Variants in ZC2HC1B observed in about 807,000 individuals in gnomAD.
ZC2HC1B encodes zinc finger C2HC domain-containing protein 1B.
A neutral mutation model predicts 31.0 loss-of-function variants in ZC2HC1B; 36 were observed. The ratio of observed to expected loss-of-function variants is 1.16; its 90% CI spans 0.89 to 1.54. ZC2HC1B has a LOEUF of 1.54. Ranked by LOEUF, ZC2HC1B falls within the 40% of genes most tolerant of loss-of-function variation. The pLI is 0.00. For missense variants in ZC2HC1B, 260 were observed against 268.6 expected, an observed-to-expected ratio of 0.97 and a Z score of 0.22; for synonymous variants, 73 against 88.0, an observed-to-expected ratio of 0.83 and a Z score of 0.95.
rs1218345324 is a variant in ZC2HC1B at position 143,934,541 on chromosome 6, CA to C, written c.599-3106del. Among the ~76,000 whole-genome samples, 2 of 152,116 alleles carry C rather than the reference CA, an allele frequency of 1.3e-5. No homozygotes were observed. Among genetic ancestry groups the C allele is most frequent in the Non-Finnish European group, 2.9e-5 (2 of 68,040 alleles). On this transcript the variant is annotated intron_variant, in intron 6 of 7. Transcript: ENST00000237275. The surrounding 1 kb of genome is among the most constrained non-coding windows in gnomAD (Gnocchi z 4.6). ...TTTTATGTTTCTTGTGTTCCTATGC[CA>C]ATATCTCTGCATCTGGTGTAACAGT...
rs1262376794 is a variant in ZC2HC1B at position 143,898,570 on chromosome 6, A to G, written c.368A>G (p.Tyr123Cys). ...CATTCAGATTATATTCAACGTCCAT[A>G]TTGTATGAGAAGGTTTAATGAAAGC... ...SLNPDYIQRP[Y>C]CMRRFNESAA... Residue 123 changes from tyrosine to cysteine, a missense_variant, in exon 5 of 8, where the codon TAT (tyrosine) becomes TGT (cysteine). Coordinates refer to ENST00000237275, the MANE Select transcript of ZC2HC1B (RefSeq NM_001013623.3). 3.9e-6 allele frequency: 6 copies of G among 1,551,576 alleles called. No individual in the cohort carries two copies. The Admixed American group carries it at 5.9e-5, about 15-fold the overall frequency.
chr6:143,934,640 G>A lies in ZC2HC1B; in HGVS notation c.599-3009G>A, dbSNP rs1778156291. 6.6e-6 allele frequency among the ~76,000 whole-genome samples: 1 copy of A among 152,204 alleles called. No homozygotes were observed. Among genetic ancestry groups the A allele is most frequent in the Non-Finnish European group, 1.5e-5 (1 of 68,036 alleles). The stretch of plus-strand genomic sequence containing the variant: ...TACATATGTATCTATAGTGATAGTT[G>A]GGTAGGGCACTTTAGCTTTGATACT... On this transcript the variant is annotated intron_variant, in intron 6 of 7. Coordinates refer to ENST00000237275, the MANE Select transcript of ZC2HC1B (RefSeq NM_001013623.3). The surrounding 1 kb of genome is among the most constrained non-coding windows in gnomAD (Gnocchi z 4.6).
Position 143,895,275 on chromosome 6 carries a change from G to A in ZC2HC1B, c.350-3277G>A, listed in dbSNP as rs1777652185. On this transcript the variant is annotated intron_variant, in intron 4 of 7. Transcript: ENST00000237275. The surrounding 1 kb of genome is among the most constrained non-coding windows in gnomAD (Gnocchi z 4.8). ...CCTCCCAGGTTCAAGCAATTCTCCTGTTTCAGCCTCCTGAGTAGCTGGGAT... is the reference window on the plus strand; with the variant it reads ...CCTCCCAGGTTCAAGCAATTCTCCTATTTCAGCCTCCTGAGTAGCTGGGAT... Among the ~76,000 whole-genome samples the A allele has an allele frequency of 1.3e-5, 2 of 152,150 alleles. No individual in the cohort carries two copies. The highest frequency in any genetic ancestry group is 6.5e-5 in the Admixed American group (1 of 15,268).
intron 6 of ZC2HC1B, among the ~76,000 whole-genome samples, chr6:143,920,302 G>T (rs1582973430): frequency 6.6e-6 from 1 of 152,086 alleles, no homozygotes; most frequent in Non-Finnish European, 1.5e-5. Flanking sequence ...TAGTAAACTT[G>T]GAAAGAGATC....
chr6:143,882,332 TTTTATATATATATATA>T (rs1235617855), intron 1 of ZC2HC1B, among the ~76,000 whole-genome samples: 1 of 67,404 alleles, frequency 1.5e-5, no homozygotes, highest in South Asian at 5.7e-4. Context: ...ATTTTATATT[TTTTATATATATATATA>T]TATATATATA....
chr6:143,886,160 G>A lies in ZC2HC1B; in HGVS notation c.210+9G>A. The A allele has an allele frequency of 1.3e-6, 2 of 1,523,258 alleles. No individual in the cohort carries two copies. Among genetic ancestry groups the A allele is most frequent in the Non-Finnish European group, 8.8e-7 (1 of 1,138,330 alleles). 94.4% of individuals were successfully genotyped at this position (1,523,258 alleles called of 1,614,324 possible). ...AGACTCCACAATCCAAGGTACTCCT[G>A]ATATCTTCTTTAGTGTTTGTTATTA... On this transcript the variant is annotated intron_variant, in intron 3 of 7. Coordinates refer to ENST00000237275, the MANE Select transcript of ZC2HC1B (RefSeq NM_001013623.3). This position sits in a 1 kb window ranked among gnomAD's most constrained non-coding sequence, Gnocchi z 4.2.
chr6:143,892,540 C>T (rs774441809), intron 4 of ZC2HC1B, among the ~76,000 whole-genome samples: 7 of 152,090 alleles, frequency 4.6e-5, no homozygotes, highest in Non-Finnish European at 7.4e-5. Flanking sequence ...TCAAGCAATC[C>T]GCCTGCCTCG....
rs1199571193 is a variant in ZC2HC1B at position 143,903,003 on chromosome 6, C to G, written c.490-41C>G. 2.6e-6 allele frequency: 4 copies of G among 1,536,950 alleles called. No individual in the cohort carries two copies. In the African/African-American group the frequency reaches 5.5e-5, roughly 21 times the overall value. On this transcript the variant is annotated intron_variant, in intron 5 of 7. Transcript: ENST00000237275. This position sits in a 1 kb window ranked among gnomAD's most constrained non-coding sequence, Gnocchi z 4.3. ...CCTATGTGGCACCTGAGGTTACATA[C>G]AGAAGGTGTTCTCTTTGTCTCTTTC...
intron 6 of ZC2HC1B, among the ~76,000 whole-genome samples, chr6:143,910,482 C>G (rs1246988518): frequency 6.6e-6 from 1 of 152,176 alleles, no homozygotes; most frequent in African/African-American, 2.4e-5. Flanking sequence ...CTATCAGGCC[C>G]ACTTGATCCA....
Position 143,922,382 on chromosome 6 carries a change from G to GC in ZC2HC1B, c.599-15266dup. Among the ~76,000 whole-genome samples the GC allele has an allele frequency of 6.6e-6, 1 of 152,202 alleles. No individual in the cohort carries two copies. The highest frequency in any genetic ancestry group is 1.9e-4 in the East Asian group (1 of 5,184). On this transcript the variant is annotated intron_variant, in intron 6 of 7. Coordinates refer to ENST00000237275, the MANE Select transcript of ZC2HC1B (RefSeq NM_001013623.3). The surrounding 1 kb of genome is among the most constrained non-coding windows in gnomAD (Gnocchi z 5.0). ...AATATGGAATATATTGTTGTTAACT[G>GC]CAGTCACCCTACTGTGCTATCAAAC...
At chr6:143,929,954 G>C (rs911586427) in intron 6 of ZC2HC1B, among the ~76,000 whole-genome samples, 2 of 151,928 alleles carry the variant, frequency 1.3e-5, no homozygotes, top group Admixed American at 1.3e-4. Context: ...TTTCTTTTCT[G>C]ATTGTGCTTA....
intron 1 of ZC2HC1B, among the ~76,000 whole-genome samples, chr6:143,875,513 G>A (rs1238044027): frequency 2.7e-5 from 4 of 150,680 alleles, no homozygotes; most frequent in African/African-American, 9.8e-5. Context: ...GTCTCTACTA[G>A]TGTCCCCAAA....
In ZC2HC1B at chr6:143,915,356, A is replaced by G. The variant is rs190826636; in HGVS notation, c.598+12204A>G. ...GCCATGTGGAACTGTAAGTCCAATA[A>G]ACTTCTTTCTTTTGTAAATTGCCCA... On this transcript the variant is annotated intron_variant, in intron 6 of 7. Transcript: ENST00000237275. The surrounding 1 kb of genome is among the most constrained non-coding windows in gnomAD (Gnocchi z 5.2). 6.6e-6 allele frequency among the ~76,000 whole-genome samples: 1 copy of G among 152,324 alleles called. No individual in the cohort carries two copies. Among genetic ancestry groups the G allele is most frequent in the East Asian group, 1.9e-4 (1 of 5,186 alleles).
intron 1 of ZC2HC1B, among the ~76,000 whole-genome samples, chr6:143,867,179 G>A (rs995265518): frequency 6.6e-6 from 1 of 152,156 alleles, no homozygotes; most frequent in African/African-American, 2.4e-5. Flanking sequence ...AAAAAAATCT[G>A]AAACACTTCT....
intron 6 of ZC2HC1B, among the ~76,000 whole-genome samples, chr6:143,920,738 T>C (rs976101802): frequency 2.6e-5 from 4 of 151,852 alleles, no homozygotes; most frequent in African/African-American, 9.7e-5. Flanking sequence ...TGAAACCCCG[T>C]CTCTACTAAA....
In ZC2HC1B at chr6:143,935,086, G is replaced by A. The variant is rs189194976; in HGVS notation, c.599-2563G>A. On this transcript the variant is annotated intron_variant, in intron 6 of 7. Coordinates refer to ENST00000237275, the MANE Select transcript of ZC2HC1B (RefSeq NM_001013623.3). ...TAGTGGTGGCAGTAGTGAGCTGGGC[G>A]GCCCCATCCTTAGTCCCCTAGGAGG... 4.6e-5 allele frequency among the ~76,000 whole-genome samples: 7 copies of A among 151,836 alleles called. No individual in the cohort carries two copies. In the East Asian group the frequency reaches 9.7e-4, roughly 21 times the overall value.
chr6:143,902,987 C>T, intron 5 of ZC2HC1B, 57 bp from the exon 6 acceptor site: 1 of 1,486,342 alleles, frequency 6.7e-7, no homozygotes, highest in Non-Finnish European at 9.2e-7. Flanking sequence ...TCCTATGTGG[C>T]ACCTGAGGTT....
rs568309903 is a variant in ZC2HC1B at position 143,889,778 on chromosome 6, A to T, written c.349+2957A>T. On this transcript the variant is annotated intron_variant, in intron 4 of 7. Transcript: ENST00000237275. ...ATACACAGCAGGAAAATCAGTAAAG[A>T]TATAGAAGAGTTGAGCAGCAGTAAC... is the stretch of plus-strand genomic sequence containing the variant. 3.2e-3 allele frequency among the ~76,000 whole-genome samples: 490 copies of T among 152,240 alleles called. 4 individuals carry two copies. Among genetic ancestry groups the T allele is most frequent in the African/African-American group, 9.7e-3 (405 of 41,566 alleles).
intron 4 of ZC2HC1B, among the ~76,000 whole-genome samples, chr6:143,896,282 G>T (rs1251375506): frequency 6.6e-6 from 1 of 152,226 alleles, no homozygotes; most frequent in Non-Finnish European, 1.5e-5. Context: ...AAACACAGAA[G>T]GGTGGCAGTG....
Sources: gnomAD v4.1 joint callset for allele counts (sites outside exome capture counted in the v4.1 genomes callset) on GRCh38, gnomAD v4.1.1 for gene constraint, Gnocchi (gnomAD v3.1) non-coding constraint, MANE v1.5 for transcripts, NCBI Gene and HGNC (gene_info 2026-07-23, HGNC 2026-07-21) for gene names.